The following IPMK variants were observed in gnomAD, a reference collection of about 807,000 sequenced individuals.
IPMK encodes inositol polyphosphate multikinase, also known as inositol 1,3,4,6-tetrakisphosphate 5-kinase.
Under a neutral mutation model 45.8 loss-of-function variants are expected in IPMK, and 17 were observed. That is an observed-to-expected ratio of 0.37 (90% CI 0.25 to 0.56). The LOEUF (loss-of-function observed/expected upper bound fraction) is 0.56. IPMK is among the 20% of genes least tolerant of loss of function. The pLI, the probability that IPMK is intolerant of heterozygous loss-of-function variation, is 0.79. For synonymous variants in IPMK, 180 were observed against 184.3 expected (o/e 0.98, Z 0.19); for missense variants, 399 against 498.0 (o/e 0.80, Z 1.89).
intron 1 of IPMK, among the ~76,000 whole-genome samples, chr10:58,264,967 G>C (rs1160751613): frequency 1.3e-5 from 2 of 152,158 alleles, no homozygotes; most frequent in South Asian, 4.1e-4. Flanking sequence ...AGAATGAGTA[G>C]GGGGAAGGGC....
Position 58,216,333 on chromosome 10 carries a change from A to T in IPMK, c.374-16T>A. 4 of 1,328,986 alleles carry T rather than the reference A, an allele frequency of 3.0e-6. No individual in the cohort carries two copies. The highest frequency in any genetic ancestry group is 3.0e-5 in the African/African-American group (2 of 65,580). 82.3% of individuals were successfully genotyped at this position (1,328,986 alleles called of 1,614,324 possible). A position where few individuals can be genotyped will look rare whatever the true frequency, so the allele number is the denominator to read the frequency against. On this transcript the variant is annotated splice_polypyrimidine_tract_variant and intron_variant, in intron 3 of 5. Transcript: ENST00000373935. ...AGGTATAAATCTGTTATTAAAGAAA[A>T]ATATTAATTAGTAATAGGCAAACAT... is the stretch of plus-strand genomic sequence containing the variant.
intron 3 of IPMK, among the ~76,000 whole-genome samples, chr10:58,218,632 T>A (rs775270959): frequency 6.6e-6 from 1 of 152,204 alleles, no homozygotes; most frequent in East Asian, 1.9e-4. Context: ...AAGTTGTATA[T>A]GGGAGTATAA....
At chr10:58,233,086 T>C (rs947260805) in intron 2 of IPMK, among the ~76,000 whole-genome samples, 2 of 152,078 alleles carry the variant, frequency 1.3e-5, no homozygotes, top group African/African-American at 4.8e-5. Context: ...ATGGATAAAT[T>C]CATGGACATA....
intron 2 of IPMK, 40 bp from the exon 3 acceptor site, chr10:58,227,179 G>T: frequency 7.3e-7 from 1 of 1,364,278 alleles, no homozygotes; most frequent in Non-Finnish European, 1.0e-6. Flanking sequence ...TTCTTACAAT[G>T]CTTTGTAACT....
intron 1 of IPMK, among the ~76,000 whole-genome samples, chr10:58,241,280 AAGACAATAG>A (rs1489946533): frequency 6.6e-6 from 1 of 152,202 alleles, no homozygotes; most frequent in Non-Finnish European, 1.5e-5. Flanking sequence ...AATCTGGGCC[AAGACAATAG>A]AGGATACCTC....
rs1211163324 is a variant in IPMK, at chr10:58,193,247, A to G, written c.*2829T>C. 1.3e-5 allele frequency: 2 copies of G among 151,948 alleles called. No homozygotes were observed. Among genetic ancestry groups the G allele is most frequent in the East Asian group, 3.9e-4 (2 of 5,194 alleles). 9.4% of individuals were successfully genotyped at this position (151,948 alleles called of 1,614,324 possible). A position where few individuals can be genotyped will look rare whatever the true frequency, so the allele number is the denominator to read the frequency against. ...ATAAGAACATCATCTTGGAAATCAT[A>G]AAATACTAAATTATGCTCAATCAAA... On this transcript the variant is annotated 3_prime_UTR_variant, in exon 6 of 6. Coordinates refer to ENST00000373935, the MANE Select transcript of IPMK (RefSeq NM_152230.5).
chr10:58,263,920 G>C (rs528498057), intron 1 of IPMK, among the ~76,000 whole-genome samples: 14 of 152,274 alleles, frequency 9.2e-5, no homozygotes, highest in Middle Eastern at 3.4e-3. Flanking sequence ...AAAGGACAGG[G>C]AAAGGCTGAG....
intron 1 of IPMK, among the ~76,000 whole-genome samples, chr10:58,248,417 AT>A (rs201304742): frequency 6.6e-6 from 1 of 152,082 alleles, no homozygotes; most frequent in African/African-American, 2.4e-5. Flanking sequence ...CATTTTCTAA[AT>A]TTTTTTGATA....
At chr10:58,208,175 C>T (rs1260035618) in intron 4 of IPMK, among the ~76,000 whole-genome samples, 2 of 152,054 alleles carry the variant, frequency 1.3e-5, no homozygotes, top group African/African-American at 2.4e-5. Context: ...CTCCTGACCT[C>T]GTGATCCACC....
In IPMK at chr10:58,196,151, G is replaced by C. The variant is rs1372837797; in HGVS notation, c.1176C>G (p.Ser392Arg). The change falls in exon 6 of 6, where the codon AGC (serine) becomes AGG (arginine). Residue 392 changes from serine to arginine, a missense_variant. By Grantham distance (110) the Ser-to-Arg change is moderately radical (BLOSUM62 -1). Around this residue, in one of 2 missense-constraint regions of IPMK, gnomAD observed 288 missense variants for 398.0 expected, o/e 0.72. Transcript: ENST00000373935. ...RMIDFAHVFP[S>R]NTIDEGYVYG... ...AAACATATCCCTCATCTATTGTGTTGCTAGGGAACACATGAGCAAAATCTA... is the reference window on the plus strand; with the variant it reads ...AAACATATCCCTCATCTATTGTGTTCCTAGGGAACACATGAGCAAAATCTA... 3.1e-6 allele frequency: 5 copies of C among 1,613,524 alleles called. No individual in the cohort carries two copies. Among genetic ancestry groups the C allele is most frequent in the Non-Finnish European group, 4.2e-6 (5 of 1,179,498 alleles).
At chr10:58,240,526 G>GA (rs1838681283) in intron 1 of IPMK, among the ~76,000 whole-genome samples, 1 of 151,920 alleles carries the variant, frequency 6.6e-6, no homozygotes, top group Admixed American at 6.6e-5. Context: ...TAGAAAGCTG[G>GA]AAGAAGCATT....
chr10:58,231,646 C>T (rs902796232), intron 2 of IPMK, among the ~76,000 whole-genome samples: 1 of 152,134 alleles, frequency 6.6e-6, no homozygotes, highest in African/African-American at 2.4e-5. Flanking sequence ...CTGTCACCAC[C>T]AGGCCTGCCT....
chr10:58,218,137 C>CA (rs374681094), intron 3 of IPMK, among the ~76,000 whole-genome samples: 2 of 152,170 alleles, frequency 1.3e-5, no homozygotes, highest in African/African-American at 4.8e-5. Context: ...CCAAATATGA[C>CA]AAAAAAGTTA....
intron 2 of IPMK, among the ~76,000 whole-genome samples, chr10:58,232,496 C>T (rs1262612185): frequency 1.3e-5 from 2 of 152,190 alleles, no homozygotes; most frequent in Non-Finnish European, 1.5e-5. Context: ...GACCACAGTG[C>T]AATCAAATTA....
At chr10:58,242,503 C>CATCAG (rs957430745) in intron 1 of IPMK, among the ~76,000 whole-genome samples, 3 of 151,050 alleles carry the variant, frequency 2.0e-5, no homozygotes, top group African/African-American at 7.3e-5. Flanking sequence ...CAAGTGTGTC[C>CATCAG]ATCAGAGAGA....
chr10:58,266,929 A>G (rs1246964826), intron 1 of IPMK, among the ~76,000 whole-genome samples: 1 of 151,612 alleles, frequency 6.6e-6, no homozygotes, highest in African/African-American at 2.4e-5. Flanking sequence ...TTCCCTTCTC[A>G]CCTCCCCCTA....
intron 2 of IPMK, among the ~76,000 whole-genome samples, chr10:58,234,417 C>A (rs2132163384): frequency 6.6e-6 from 1 of 152,292 alleles, no homozygotes; most frequent in South Asian, 2.1e-4. Flanking sequence ...TCAAACTATA[C>A]TTCAAGGCTA....
chr10:58,218,980 C>T (rs911561203), intron 3 of IPMK, among the ~76,000 whole-genome samples: 1 of 152,158 alleles, frequency 6.6e-6, no homozygotes, highest in South Asian at 2.1e-4. Context: ...TGAGGCACCC[C>T]TTCAGTAAAT....
At chr10:58,246,535 T>G (rs7909879) in intron 1 of IPMK, among the ~76,000 whole-genome samples, 21,868 of 111,142 alleles carry the variant, frequency 0.2, 3,324 homozygotes, top group African/African-American at 0.43. Flanking sequence ...ACAAACCTGA[T>G]AAAAACAAGC....
Sources: gnomAD v4.1 joint callset for allele counts (sites outside exome capture counted in the v4.1 genomes callset) on GRCh38, gnomAD v4.1.1 for gene constraint, gnomAD v4.1.1 regional missense constraint, MANE v1.5 for transcripts, NCBI Gene and HGNC (gene_info 2026-07-23, HGNC 2026-07-21) for gene names.